TFEC: variants seen among roughly 807,000 people sequenced by gnomAD.
The protein encoded by TFEC is transcription factor EC.
A neutral mutation model predicts 41.6 loss-of-function variants in TFEC; 31 were observed. The observed-to-expected ratio is 0.74, with a 90% confidence interval of 0.56 to 1.01. TFEC has a LOEUF of 1.01. TFEC is among the 50% of genes least tolerant of loss of function. The pLI is 0.00. For missense variants in TFEC, 402 were observed against 404.1 expected, an observed-to-expected ratio of 0.99 and a Z score of 0.04; for synonymous variants, 143 against 140.6, an observed-to-expected ratio of 1.02 and a Z score of -0.12.
chr7:116,136,708 C>G (rs1170818353), intron 1 of TFEC, among the ~76,000 whole-genome samples: 1 of 151,648 alleles, frequency 6.6e-6, no homozygotes, highest in Admixed American at 6.6e-5. Flanking sequence ...AATAAAAATG[C>G]AAGTCATATG....
rs576410329 is a variant in TFEC at position 116,145,646 on chromosome 7, T to C, written c.-69+14144A>G. On this transcript the variant is annotated intron_variant, in intron 1 of 8. Coordinates refer to the TFEC transcript ENST00000484212. Reference sequence around the variant, plus strand: ...GGGACCTAGGAGATATTATCAGGTCTCAAGGAGTTTCAGTTTCAGACATAC... The same window carrying C: ...GGGACCTAGGAGATATTATCAGGTCCCAAGGAGTTTCAGTTTCAGACATAC... Among the ~76,000 whole-genome samples the C allele has an allele frequency of 7.2e-5, 11 of 152,308 alleles. 1 individual carries two copies. In the South Asian group the frequency reaches 2.3e-3, roughly 32 times the overall value.
chr7:116,124,084 A>G (rs1476799510), intron 1 of TFEC, among the ~76,000 whole-genome samples: 2 of 152,174 alleles, frequency 1.3e-5, no homozygotes, highest in African/African-American at 4.8e-5. Context: ...ATGAGTGGAA[A>G]AAGATTAATT....
intron 1 of TFEC, among the ~76,000 whole-genome samples, chr7:116,122,390 T>C (rs1440919240): frequency 6.6e-6 from 1 of 151,992 alleles, no homozygotes; most frequent in African/African-American, 2.4e-5. Context: ...TCTATGTAAG[T>C]GGGGTCTAAG....
chr7:116,055,318 T>C (rs766323313), intron 3 of TFEC, among the ~76,000 whole-genome samples: 18 of 152,108 alleles, frequency 1.2e-4, no homozygotes, highest in Admixed American at 1.1e-3. Context: ...TGTAAAAAGA[T>C]CTGTCATTTA....
chr7:115,984,575 T>G, intron 1 of TFEC, 62 bp from the exon 2 acceptor site: 1 of 1,550,738 alleles, frequency 6.4e-7, no homozygotes, highest in East Asian at 2.3e-5. Flanking sequence ...AGAGTTCTCC[T>G]TTCCACAATT....
At position 115,984,354 on chromosome 7, in the gene TFEC, G is replaced by A. The variant is rs754314619; in HGVS notation, c.88C>T (p.His30Tyr). The A allele has an allele frequency of 1.2e-6, 2 of 1,614,102 alleles. No individual in the cohort carries two copies. The highest frequency in any genetic ancestry group is 1.7e-5 in the Admixed American group (1 of 60,004). Residue 30 changes from histidine (H) to tyrosine (Y), a missense_variant, in exon 2 of 8, where the codon CAC (histidine) becomes TAC (tyrosine). By Grantham distance (83) the His-to-Tyr change is moderately conservative (BLOSUM62 2). Transcript: ENST00000265440. ...PSGGPLVQHA[H>Y]TTLDSDAGLT... ...CCAGCATCACTGTCCAGAGTTGTGT[G>A]TGCATGCTGCACAAGAGGCCCACCA...
At chr7:115,952,192 A>T (rs1281872206) in intron 5 of TFEC, among the ~76,000 whole-genome samples, 1 of 152,024 alleles carries the variant, frequency 6.6e-6, no homozygotes, top group Admixed American at 6.6e-5. Flanking sequence ...TTCCTCTAAA[A>T]TGAGAATATA....
At chr7:116,046,378 A>G (rs1202497660) in intron 3 of TFEC, among the ~76,000 whole-genome samples, 3 of 152,172 alleles carry the variant, frequency 2.0e-5, no homozygotes, top group East Asian at 3.9e-4. Flanking sequence ...TATTCTCGTG[A>G]TAGTGAATAG....
At chr7:115,982,158 T>A (rs1793657765) in intron 2 of TFEC, among the ~76,000 whole-genome samples, 1 of 151,974 alleles carries the variant, frequency 6.6e-6, no homozygotes, top group Non-Finnish European at 1.5e-5. Flanking sequence ...GGGGTCTTCT[T>A]TGAATTGATG....
intron 3 of TFEC, among the ~76,000 whole-genome samples, chr7:116,106,145 T>C (rs1797711982): frequency 6.6e-6 from 1 of 152,128 alleles, no homozygotes; most frequent in African/African-American, 2.4e-5. Flanking sequence ...CAGTTTCCTA[T>C]TGATTAAAGA....
rs571412918 is a variant in TFEC at position 115,954,713 on chromosome 7, G to T, written c.383-71C>A. The T allele has an allele frequency of 2.9e-5, 33 of 1,119,474 alleles. No individual in the cohort carries two copies. The South Asian group carries it at 3.6e-4, about 12-fold the overall frequency. The allele number at this position is 1,119,474 out of a possible 1,614,324, so 69.3% of individuals were successfully genotyped here. A position where few individuals can be genotyped will look rare whatever the true frequency, so the allele number is the denominator to read the frequency against. ...AAACCCCTCCAGGCAACATAATTCAGAACTCCTAGGTGAAAATAAAATATT... is the reference window on the plus strand; with the variant it reads ...AAACCCCTCCAGGCAACATAATTCATAACTCCTAGGTGAAAATAAAATATT... On this transcript the variant is annotated intron_variant, in intron 4 of 7. Coordinates refer to ENST00000265440, the MANE Select transcript of TFEC (RefSeq NM_012252.4).
chr7:116,113,151 A>C (rs1316808395), intron 1 of TFEC, among the ~76,000 whole-genome samples: 2 of 151,954 alleles, frequency 1.3e-5, no homozygotes, highest in Non-Finnish European at 2.9e-5. Flanking sequence ...TGCCAGTTAA[A>C]CTATATCTCC....
At chr7:116,052,826 T>C (rs1167387006) in intron 3 of TFEC, among the ~76,000 whole-genome samples, 1 of 151,382 alleles carries the variant, frequency 6.6e-6, no homozygotes, top group Admixed American at 6.6e-5. Flanking sequence ...TCCCAGCACT[T>C]TGGGAGGCCG....
intron 1 of TFEC, among the ~76,000 whole-genome samples, chr7:116,001,091 T>C (rs761980457): frequency 2.6e-5 from 4 of 152,202 alleles, no homozygotes; most frequent in Non-Finnish European, 4.4e-5. Context: ...AAAAACAGCA[T>C]TGTACTGACA....
chr7:115,987,276 GA>G (rs1160495087), intron 1 of TFEC, among the ~76,000 whole-genome samples: 3 of 151,772 alleles, frequency 2.0e-5, no homozygotes, highest in South Asian at 2.1e-4. Flanking sequence ...CTGTTCCCTA[GA>G]AAAAAAATCT....
At position 116,111,277 on chromosome 7, in the gene TFEC, G is replaced by C. The variant is rs549910510; in HGVS notation, c.-21-351C>G. ...ACATGAACAAACCTCAAAGGTGACT[G>C]CTGGGTTAATAAAACAGTCTGTTTT... On this transcript the variant is annotated intron_variant, in intron 2 of 8. Transcript: ENST00000484212. Among the ~76,000 whole-genome samples, 7 of 151,972 alleles carry C rather than the reference G, an allele frequency of 4.6e-5. No individual in the cohort carries two copies. The East Asian group carries it at 1.4e-3, about 29-fold the overall frequency.
chr7:116,146,255 A>C (rs1233674431), intron 1 of TFEC, among the ~76,000 whole-genome samples: 1 of 152,232 alleles, frequency 6.6e-6, no homozygotes, highest in Non-Finnish European at 1.5e-5. Flanking sequence ...GACAAAACAG[A>C]GTTCTAGACT....
chr7:116,040,624 T>C (rs1796014592), intron 3 of TFEC, among the ~76,000 whole-genome samples: 2 of 152,212 alleles, frequency 1.3e-5, no homozygotes, highest in African/African-American at 4.8e-5. Flanking sequence ...AATTACACAG[T>C]ATTGTATTGG....
At position 116,068,406 on chromosome 7, in the gene TFEC, AT is replaced by A. The variant is rs1156468492; in HGVS notation, c.198+42301del. On this transcript the variant is annotated intron_variant, in intron 3 of 8. Coordinates refer to the TFEC transcript ENST00000484212. Reference sequence around the variant, plus strand: ...AAAATCAGCAAGGGTAGGAAAGTAAATTGTAAATGTATAGTGTGGGTACATA... The same window carrying A: ...AAAATCAGCAAGGGTAGGAAAGTAAATGTAAATGTATAGTGTGGGTACATA... 7.2e-5 allele frequency among the ~76,000 whole-genome samples: 11 copies of A among 151,834 alleles called. No individual in the cohort carries two copies. In the Admixed American group the frequency reaches 7.3e-4, roughly 10 times the overall value.
Sources: gnomAD v4.1 joint callset for allele counts (sites outside exome capture counted in the v4.1 genomes callset) on GRCh38, gnomAD v4.1.1 for gene constraint, MANE v1.5 for transcripts, NCBI Gene and HGNC (gene_info 2026-07-23, HGNC 2026-07-21) for gene names.